The following SEM1 variants were observed in gnomAD, a reference collection of about 807,000 sequenced individuals.
SEM1 encodes 26S proteasome complex subunit SEM1.
In SEM1, 3 loss-of-function variants were observed where a neutral mutation model predicts 12.7. The observed-to-expected ratio is 0.24, with a 90% CI of 0.11 to 0.61. The LOEUF (loss-of-function observed/expected upper bound fraction) is 0.61, where lower values mean the gene tolerates loss of function less well. Ranked by LOEUF, SEM1 falls within the 20% of genes least tolerant of loss-of-function variation. SEM1 has a pLI of 0.88. For synonymous variants in SEM1, 30 were observed against 27.8 expected, an observed-to-expected ratio of 1.08 and a Z score of -0.25; for missense variants, 59 against 81.3, an observed-to-expected ratio of 0.73 and a Z score of 1.06.
At chr7:96,507,227 T>G (rs1216294634) in intron 2 of SEM1, among the ~76,000 whole-genome samples, 3 of 152,236 alleles carry the variant, frequency 2.0e-5, no homozygotes, top group Middle Eastern at 3.4e-3. Flanking sequence ...TATATAATGT[T>G]TTCAAATGTG....
intron 2 of SEM1, among the ~76,000 whole-genome samples, chr7:96,533,083 C>G (rs1804686331): frequency 6.6e-6 from 1 of 152,136 alleles, no homozygotes. Flanking sequence ...CTCTTATACA[C>G]CCAGCAATAT....
chr7:96,563,081 G>T (rs1301892160), intron 2 of SEM1, among the ~76,000 whole-genome samples: 1 of 152,104 alleles, frequency 6.6e-6, no homozygotes, highest in African/African-American at 2.4e-5. Context: ...ATGCAGTCAT[G>T]GGTGGGGGAA....
chr7:96,507,742 G>A (rs1803803536), intron 2 of SEM1, among the ~76,000 whole-genome samples: 1 of 152,040 alleles, frequency 6.6e-6, no homozygotes, highest in Non-Finnish European at 1.5e-5. Context: ...AAATCAACCT[G>A]GGCATCTCTT....
chr7:96,709,505 C>G (rs1404772486), intron 1 of SEM1, among the ~76,000 whole-genome samples, 183 bp downstream of exon 1: 5 of 152,110 alleles, frequency 3.3e-5, no homozygotes, highest in Non-Finnish European at 7.4e-5. Flanking sequence ...TGAGTCCCAG[C>G]GCAACACCCC....
At chr7:96,645,532 A>G in intron 2 of SEM1, 2 of 377,262 alleles carry the variant, frequency 5.3e-6, no homozygotes, top group Non-Finnish European at 9.4e-6. Context: ...ATGTTCCAAT[A>G]AAAGAGGACA....
chr7:96,578,853 C>G (rs1213287259), intron 2 of SEM1, among the ~76,000 whole-genome samples: 3 of 152,178 alleles, frequency 2.0e-5, no homozygotes, highest in Non-Finnish European at 4.4e-5. Flanking sequence ...CCCAGCCTCT[C>G]AATTTCAACA....
intron 2 of SEM1, among the ~76,000 whole-genome samples, chr7:96,599,224 T>C (rs1807110925): frequency 6.6e-6 from 1 of 152,154 alleles, no homozygotes; most frequent in South Asian, 2.1e-4. Context: ...AGGAAAAAGC[T>C]AATGAACAAG....
intron 2 of SEM1, among the ~76,000 whole-genome samples, chr7:96,575,012 A>G (rs1806159795): frequency 6.6e-6 from 1 of 152,108 alleles, no homozygotes; most frequent in African/African-American, 2.4e-5. Context: ...CTTGCTGGCG[A>G]GGACTTGTGA....
intron 2 of SEM1, among the ~76,000 whole-genome samples, chr7:96,555,958 C>G (rs1260843728): frequency 7.0e-6 from 1 of 142,978 alleles, no homozygotes; most frequent in South Asian, 2.4e-4. Flanking sequence ...CCTTCTTTGT[C>G]TTTTTTGATC....
At chr7:96,535,835 C>A in intron 2 of SEM1, among the ~76,000 whole-genome samples, 1 of 151,800 alleles carries the variant, frequency 6.6e-6, no homozygotes, top group Non-Finnish European at 1.5e-5. Context: ...ATACATGTAC[C>A]ACATTTTCTT....
intron 2 of SEM1, among the ~76,000 whole-genome samples, chr7:96,582,747 A>G (rs1250368663): frequency 6.6e-6 from 1 of 152,246 alleles, no homozygotes; most frequent in African/African-American, 2.4e-5. Flanking sequence ...CAGATTTTCT[A>G]GTTTATTTGC....
intron 2 of SEM1, among the ~76,000 whole-genome samples, chr7:96,522,462 G>A (rs1023650097): frequency 6.6e-6 from 1 of 151,616 alleles, no homozygotes; most frequent in African/African-American, 2.4e-5. Context: ...GAGATTTACT[G>A]CTTTGCATTT....
At chr7:96,644,483 T>C (rs1181261307) in intron 2 of SEM1, among the ~76,000 whole-genome samples, 1 of 152,164 alleles carries the variant, frequency 6.6e-6, no homozygotes, top group African/African-American at 2.4e-5. Context: ...GACAGTCAAC[T>C]GCAAGAGGTC....
At chr7:96,542,895 C>T (rs1214184658) in intron 2 of SEM1, among the ~76,000 whole-genome samples, 1 of 151,700 alleles carries the variant, frequency 6.6e-6, no homozygotes, top group Non-Finnish European at 1.5e-5. Flanking sequence ...GAGAGCAAAA[C>T]AAACAAATAA....
intron 2 of SEM1, among the ~76,000 whole-genome samples, chr7:96,580,426 A>G (rs1378417600): frequency 6.6e-6 from 1 of 151,098 alleles, no homozygotes; most frequent in Non-Finnish European, 1.5e-5. Flanking sequence ...GCCGCAATAA[A>G]CATACATGTG....
At chr7:96,486,165 C>CTTT in intron 2 of SEM1, 3 of 1,160,236 alleles carry the variant, frequency 2.6e-6, no homozygotes, top group Admixed American at 2.6e-5. Context: ...TTTTTTCTAC[C>CTTT]TTTTTTTTTT....
intron 2 of SEM1, among the ~76,000 whole-genome samples, chr7:96,631,863 A>C (rs1808272481): frequency 6.6e-6 from 1 of 152,224 alleles, no homozygotes; most frequent in African/African-American, 2.4e-5. Context: ...TACAAGAAAA[A>C]AACAAACAAT....
chr7:96,574,540 A>G (rs1806142922), intron 2 of SEM1, among the ~76,000 whole-genome samples: 1 of 152,174 alleles, frequency 6.6e-6, no homozygotes, highest in Non-Finnish European at 1.5e-5. Context: ...GAACTAGTTT[A>G]CAGTCCCACT....
At chr7:96,703,972 A>AACACAC (rs67174798) in intron 1 of SEM1, among the ~76,000 whole-genome samples, 5,668 of 142,062 alleles carry the variant, frequency 0.04, 128 homozygotes, top group Middle Eastern at 0.069. Context: ...GTCTCTTAAA[A>AACACAC]ACACACACAC....
Sources: allele counts gnomAD v4.1 joint callset (sites outside exome capture counted in the v4.1 genomes callset), GRCh38; gene constraint gnomAD v4.1.1; transcripts MANE v1.5; gene names NCBI Gene and HGNC (gene_info 2026-07-23, HGNC 2026-07-21).